PAPLN: variants seen among roughly 807,000 people sequenced by gnomAD.
The protein encoded by PAPLN is papilin, proteoglycan like sulfated glycoprotein.
PAPLN carries 146 observed loss-of-function variants against 159.0 expected under a neutral mutation model. The ratio of observed to expected loss-of-function variants is 0.92; its 90% CI spans 0.80 to 1.05. The LOEUF (loss-of-function observed/expected upper bound fraction) is 1.05, where lower values mean the gene tolerates loss of function less well. PAPLN is among the 50% of genes least tolerant of loss of function. PAPLN has a pLI of 0.00. For missense variants in PAPLN, 1,720 were observed against 1,743.9 expected (o/e 0.99, Z 0.24); for synonymous variants, 734 against 702.9 (o/e 1.04, Z -0.70).
chr14:73,268,664 G>T lies in PAPLN; in HGVS notation c.3608G>T (p.Ser1203Ile). ...AGGGATGAGGGCTCCTACACGTGCA[G>T]TGCCTACCAGGGGAGCCAGGCAGTC... ...RARDEGSYTC[S>I]AYQGSQAVSR... Residue 1203 changes from serine (S) to isoleucine (I), a missense_variant, in exon 26 of 27, where the codon AGT (serine) becomes ATT (isoleucine). By Grantham distance (142) the Ser-to-Ile change is moderately radical. Coordinates refer to ENST00000644200, the MANE Select transcript of PAPLN (RefSeq NM_001365906.3). The T allele has an allele frequency of 6.2e-7, 1 of 1,613,932 alleles. No homozygotes were observed. The highest frequency in any genetic ancestry group is 8.5e-7 in the Non-Finnish European group (1 of 1,179,934).
rs113246270 is a variant in PAPLN, at chr14:73,239,617, T to C, written c.-6-156T>C. 2.9e-3 allele frequency: 3,877 copies of C among 1,355,708 alleles called. 96 individuals are homozygous for C. In the African/African-American group the frequency reaches 0.051, roughly 18 times the overall value. The allele number at this position is 1,355,708 out of a possible 1,614,324, so 84.0% of individuals were successfully genotyped here. ...CGCCCGGCGGGGCGCCCTCACGCTG[T>C]GTTCTCTGCGGTGCACCGAGGCGCA... On this transcript the variant is annotated intron_variant, in intron 1 of 26. Coordinates refer to ENST00000644200, the MANE Select transcript of PAPLN (RefSeq NM_001365906.3).
intron 19 of PAPLN, chr14:73,263,409 G>T: frequency 1.7e-6 from 1 of 583,906 alleles, no homozygotes; most frequent in Non-Finnish European, 3.0e-6. Flanking sequence ...CTACCTTGTT[G>T]CTGCTACAAG....
At chr14:73,268,763 C>A in intron 26 of PAPLN, 40 bp downstream of exon 26, 1 of 1,546,946 alleles carries the variant, frequency 6.5e-7, no homozygotes, top group South Asian at 1.2e-5. Flanking sequence ...AGGACATTCC[C>A]CAGTAGATTT....
rs369082075 is a variant in PAPLN, at chr14:73,254,936, G to T, written c.1545G>T (p.Pro515=). The part of the protein sequence containing the change: ...RRRQVICAIG[P]PSHCGSLQHS... Reference sequence around the variant, plus strand: ...GACAGGTCATCTGTGCCATTGGGCCGCCCAGCCACTGCGGGAGCCTGCAGC... The same window carrying T: ...GACAGGTCATCTGTGCCATTGGGCCTCCCAGCCACTGCGGGAGCCTGCAGC... Residue 515 remains proline, a synonymous_variant, in exon 14 of 27, where the codon CCG becomes CCT. Transcript: ENST00000644200. The T allele has an allele frequency of 3.1e-6, 5 of 1,613,032 alleles. No homozygotes were observed. In the African/African-American group the frequency reaches 4.0e-5, roughly 13 times the overall value.
chr14:73,268,824 C>T, intron 26 of PAPLN, 101 bp downstream of exon 26: 1 of 1,334,270 alleles, frequency 7.5e-7, no homozygotes, highest in South Asian at 1.6e-5. Context: ...GGTTTGAATC[C>T]TGGCTCACCC....
intron 5 of PAPLN, among the ~76,000 whole-genome samples, chr14:73,248,025 TGTGTTGGGATTGTG>T (rs1884755530): frequency 2.5e-5 from 2 of 80,202 alleles, no homozygotes; most frequent in African/African-American, 1.1e-4. Context: ...TGTGTGTGTG[TGTGTTGGGATTGTG>T]GCTGTGGGTG....
rs780888021 is a variant in PAPLN, at chr14:73,268,331, G to T, written c.3501-226G>T. The T allele has an allele frequency of 6.7e-5, 31 of 461,446 alleles. 1 individual carries two copies. The highest frequency in any genetic ancestry group is 6.2e-4 in the African/African-American group (31 of 49,668). The allele number at this position is 461,446 out of a possible 1,614,324, so 28.6% of individuals were successfully genotyped here. A position where few individuals can be genotyped will look rare whatever the true frequency, so the allele number is the denominator to read the frequency against. On this transcript the variant is annotated intron_variant, in intron 25 of 26. Transcript: ENST00000644200. Reference sequence around the variant, plus strand: ...ATTTGAAATAGCAGAAAACAACCTCGCCATTCACCCCAGCCTTGGATCTCC... The same window carrying T: ...ATTTGAAATAGCAGAAAACAACCTCTCCATTCACCCCAGCCTTGGATCTCC...
intron 14 of PAPLN, among the ~76,000 whole-genome samples, chr14:73,256,859 G>A (rs866036517): frequency 6.6e-6 from 1 of 151,898 alleles, no homozygotes; most frequent in Non-Finnish European, 1.5e-5. Flanking sequence ...ACTCCAGCCT[G>A]GGTGACAGAG....
rs575131577 is a variant in PAPLN, at chr14:73,262,788, C to T, written c.2684C>T (p.Ala895Val). 4 of 1,499,328 alleles carry T rather than the reference C, an allele frequency of 2.7e-6. No homozygotes were observed. Among genetic ancestry groups the T allele is most frequent in the Non-Finnish European group, 3.5e-6 (4 of 1,129,106 alleles). The allele number at this position is 1,499,328 out of a possible 1,614,324, so 92.9% of individuals were successfully genotyped here. The change falls in exon 19 of 27, where the codon GCC becomes GTC. Residue 895 changes from alanine to valine, a missense_variant. Ala to Val is a moderately conservative substitution (Grantham distance 64). Coordinates refer to ENST00000644200, the MANE Select transcript of PAPLN (RefSeq NM_001365906.3). ...GSRAPGLGGD[A>V]GSPAPPFHSS... ...AGGGCCCCTGGACTGGGTGGAGATGCCGGATCACCAGCGCCACCCTTCCAC... is the reference window on the plus strand; with the variant it reads ...AGGGCCCCTGGACTGGGTGGAGATGTCGGATCACCAGCGCCACCCTTCCAC...
intron 2 of PAPLN, chr14:73,244,331 C>G: frequency 3.5e-6 from 1 of 285,108 alleles, no homozygotes. Context: ...AATGCCTGGA[C>G]CCTCAAACTG....
chr14:73,244,918 A>G, intron 3 of PAPLN, 159 bp downstream of exon 3: 3 of 591,162 alleles, frequency 5.1e-6, no homozygotes, highest in South Asian at 2.1e-5. Context: ...AGTTCAGCGC[A>G]GGAAATCAAA....
chr14:73,264,777 C>CG (rs1231533876), intron 22 of PAPLN, 51 bp downstream of exon 22: 1 of 1,606,304 alleles, frequency 6.2e-7, no homozygotes, highest in Non-Finnish European at 8.5e-7. Flanking sequence ...GGGCCAGGGC[C>CG]GGGGGTCTCA....
chr14:73,239,363 A>T (rs982236122), intron 1 of PAPLN, among the ~76,000 whole-genome samples: 2 of 152,234 alleles, frequency 1.3e-5, no homozygotes, highest in African/African-American at 4.8e-5. Context: ...TGATTTTTTT[A>T]AAGCCTATAT....
intron 5 of PAPLN, among the ~76,000 whole-genome samples, chr14:73,248,106 TGCGC>T (rs1555361147): frequency 4.8e-3 from 373 of 78,356 alleles, no homozygotes; most frequent in African/African-American, 9.3e-3. Flanking sequence ...TGTGTGTGTG[TGCGC>T]GTGTGTGTGT....
At chr14:73,239,003 A>G (rs1240266352) in intron 1 of PAPLN, among the ~76,000 whole-genome samples, 1 of 152,198 alleles carries the variant, frequency 6.6e-6, no homozygotes, top group East Asian at 1.9e-4. Flanking sequence ...CAGCGTGTAT[A>G]CCGACTGGAC....
Position 73,266,708 on chromosome 14 carries a change from T to C in PAPLN, c.3392-15T>C. ...ATCTTCATAGTGGCTGACAATGACT[T>C]GTCCTTGTGCCCAGGGGAGCTGACA... On this transcript the variant is annotated splice_polypyrimidine_tract_variant and intron_variant, in intron 24 of 26. Transcript: ENST00000644200. The C allele has an allele frequency of 6.2e-7, 1 of 1,614,100 alleles. No homozygotes were observed. Among genetic ancestry groups the C allele is most frequent in the Non-Finnish European group, 8.5e-7 (1 of 1,179,938 alleles).
Position 73,273,350 on chromosome 14 carries a change from G to C in PAPLN, c.*686G>C, listed in dbSNP as rs577409901. ...TTCTTGCCCAGGCTGGAGTACAATG[G>C]TGCGATCTTGGCTCACTGCAACCTC... On this transcript the variant is annotated 3_prime_UTR_variant, in exon 27 of 27. Transcript: ENST00000644200. 6.6e-6 allele frequency: 1 copy of C among 151,806 alleles called. No homozygotes were observed. The highest frequency in any genetic ancestry group is 1.9e-4 in the East Asian group (1 of 5,172). The allele number at this position is 151,806 out of a possible 1,614,324, so 9.4% of individuals were successfully genotyped here.
chr14:73,252,810 G>T, intron 11 of PAPLN, 35 bp downstream of exon 11: 4 of 1,610,818 alleles, frequency 2.5e-6, no homozygotes, highest in Non-Finnish European at 3.4e-6. Flanking sequence ...CCATGATGAG[G>T]CCCAAGAACT....
intron 5 of PAPLN, among the ~76,000 whole-genome samples, chr14:73,247,796 CCGTGTGTGTGTGTGTGTGTG>C (rs139949643): frequency 0.11 from 6,743 of 60,606 alleles, 845 homozygotes; most frequent in East Asian, 0.45. Context: ...GTCTCTTATC[CCGTGTGTGTGTGTGTGTGTG>C]TGTGTGTGTG....
Sources: allele counts gnomAD v4.1 joint callset (sites outside exome capture counted in the v4.1 genomes callset), GRCh38; gene constraint gnomAD v4.1.1; transcripts MANE v1.5; gene names NCBI Gene and HGNC (gene_info 2026-07-23, HGNC 2026-07-21).